The following CAMK1D variants were observed in gnomAD, a reference collection of about 807,000 sequenced individuals.
CAMK1D encodes calcium/calmodulin-dependent protein kinase type 1D.
CAMK1D carries 9 observed loss-of-function variants against 47.7 expected under a neutral mutation model. The ratio of observed to expected loss-of-function variants is 0.19; its 90% CI spans 0.11 to 0.33. The LOEUF is 0.33. CAMK1D is among the 10% of genes least tolerant of loss of function. The pLI is 1.00. For synonymous variants in CAMK1D, 184 were observed against 184.9 expected (o/e 0.99, Z 0.04); for missense variants, 291 against 488.7 (o/e 0.60, Z 3.81).
At chr10:12,482,350 A>G (rs1471067618) in intron 1 of CAMK1D, among the ~76,000 whole-genome samples, 2 of 152,164 alleles carry the variant, frequency 1.3e-5, no homozygotes, top group African/African-American at 2.4e-5. Context: ...ATGTAGGGCC[A>G]CTTAGGGGAC....
At chr10:12,581,808 A>C (rs1341600582) in intron 2 of CAMK1D, among the ~76,000 whole-genome samples, 1 of 152,160 alleles carries the variant, frequency 6.6e-6, no homozygotes, top group Non-Finnish European at 1.5e-5. Context: ...AGATGTATAG[A>C]TGGTGAAGCT....
intron 1 of CAMK1D, among the ~76,000 whole-genome samples, chr10:12,350,594 C>G (rs1339632206): frequency 2.0e-5 from 3 of 152,228 alleles, no homozygotes; most frequent in Non-Finnish European, 4.4e-5. Context: ...TGCATCGAGT[C>G]CCATGCTGAT....
intron 1 of CAMK1D, among the ~76,000 whole-genome samples, chr10:12,552,116 C>G (rs949261184): frequency 6.6e-6 from 1 of 152,226 alleles, no homozygotes; most frequent in African/African-American, 2.4e-5. Context: ...GCACGCAGGC[C>G]TTGCCTACCG....
At chr10:12,605,171 C>A (rs1838415774) in intron 2 of CAMK1D, among the ~76,000 whole-genome samples, 1 of 152,148 alleles carries the variant, frequency 6.6e-6, no homozygotes, top group South Asian at 2.1e-4. Context: ...GAGGCATGAG[C>A]CACCGTGCCG....
At chr10:12,650,909 C>T (rs1369106250) in intron 2 of CAMK1D, among the ~76,000 whole-genome samples, 1 of 152,204 alleles carries the variant, frequency 6.6e-6, no homozygotes, top group Admixed American at 6.5e-5. Context: ...TCTCGCCCCA[C>T]ACCCTTACTG....
At chr10:12,582,890 C>T (rs1171733308) in intron 2 of CAMK1D, among the ~76,000 whole-genome samples, 1 of 152,202 alleles carries the variant, frequency 6.6e-6, no homozygotes, top group Non-Finnish European at 1.5e-5. Flanking sequence ...GAGCTAGGAT[C>T]AGCACATGGT....
intron 1 of CAMK1D, among the ~76,000 whole-genome samples, chr10:12,454,191 C>CT (rs1485531017): frequency 2.6e-5 from 4 of 152,202 alleles, no homozygotes; most frequent in African/African-American, 9.6e-5. Context: ...GCGATGGAGT[C>CT]TCGCTCTGTC....
intron 4 of CAMK1D, among the ~76,000 whole-genome samples, chr10:12,767,603 G>A (rs1836827638): frequency 1.3e-5 from 2 of 152,174 alleles, no homozygotes. Flanking sequence ...TACGTTGTAG[G>A]GAGACATGAG....
At chr10:12,514,944 G>A (rs899335439) in intron 1 of CAMK1D, among the ~76,000 whole-genome samples, 2 of 152,138 alleles carry the variant, frequency 1.3e-5, no homozygotes, top group African/African-American at 4.8e-5. Context: ...TCTGCCTCCT[G>A]GGTTCAAGTG....
chr10:12,791,019 A>C (rs956086745), intron 5 of CAMK1D, 139 bp from the exon 6 acceptor site: 2 of 681,668 alleles, frequency 2.9e-6, no homozygotes, highest in African/African-American at 3.6e-5. Flanking sequence ...AAAAAAAGCC[A>C]ACACATAAAA....
At chr10:12,491,682 C>T (rs182625676) in intron 1 of CAMK1D, among the ~76,000 whole-genome samples, 17 of 152,186 alleles carry the variant, frequency 1.1e-4, no homozygotes, top group Admixed American at 2.0e-4. Context: ...GAGCATTTCC[C>T]GCAGAGTCTG....
chr10:12,705,277 A>G (rs1179315763), intron 3 of CAMK1D, among the ~76,000 whole-genome samples: 2 of 152,120 alleles, frequency 1.3e-5, no homozygotes, highest in Non-Finnish European at 2.9e-5. Flanking sequence ...CCTGGCCAAC[A>G]TGGTGGAACC....
chr10:12,751,070 AGAT>A (rs1835932711), intron 3 of CAMK1D, among the ~76,000 whole-genome samples: 2 of 20,794 alleles, frequency 9.6e-5, no homozygotes, highest in African/African-American at 7.9e-4. Flanking sequence ...AGATAAGATA[AGAT>A]AAGATAAGAT....
At chr10:12,474,294 G>A (rs1384005039) in intron 1 of CAMK1D, among the ~76,000 whole-genome samples, 1 of 151,458 alleles carries the variant, frequency 6.6e-6, no homozygotes, top group Non-Finnish European at 1.5e-5. Flanking sequence ...CGCCTCCTGG[G>A]TTCACACCAT....
chr10:12,606,726 C>T (rs1309124678), intron 2 of CAMK1D, among the ~76,000 whole-genome samples: 2 of 152,226 alleles, frequency 1.3e-5, no homozygotes, highest in African/African-American at 4.8e-5. Context: ...CCTTTAATCA[C>T]TCGGAGATTG....
chr10:12,366,945 G>T (rs1260210196), intron 1 of CAMK1D, among the ~76,000 whole-genome samples: 2 of 152,120 alleles, frequency 1.3e-5, no homozygotes, highest in African/African-American at 4.8e-5. Flanking sequence ...TCAGTAATTC[G>T]TGTAGCTTGG....
intron 2 of CAMK1D, among the ~76,000 whole-genome samples, chr10:12,582,866 C>T (rs1837703063): frequency 6.6e-6 from 1 of 152,206 alleles, no homozygotes; most frequent in Non-Finnish European, 1.5e-5. Context: ...CTGTTTACCA[C>T]AAAGTCATTG....
At chr10:12,808,789 CAAAT>C (rs929546747) in intron 6 of CAMK1D, among the ~76,000 whole-genome samples, 7 of 151,782 alleles carry the variant, frequency 4.6e-5, no homozygotes, top group South Asian at 2.1e-4. Flanking sequence ...AAAAAACAAA[CAAAT>C]AAACAAAACG....
At chr10:12,507,739 T>C (rs940165732) in intron 1 of CAMK1D, among the ~76,000 whole-genome samples, 2 of 152,240 alleles carry the variant, frequency 1.3e-5, no homozygotes, top group African/African-American at 4.8e-5. Context: ...GGGCCCTTCC[T>C]GTGGTTCCCA....
Sources: gnomAD v4.1 joint callset for allele counts (sites outside exome capture counted in the v4.1 genomes callset) on GRCh38, gnomAD v4.1.1 for gene constraint, MANE v1.5 for transcripts, NCBI Gene and HGNC (gene_info 2026-07-23, HGNC 2026-07-21) for gene names.